GRIN2D: variants seen among roughly 807,000 people sequenced by gnomAD.
The protein encoded by GRIN2D is glutamate receptor ionotropic, NMDA 2D.
A neutral mutation model predicts 103.2 loss-of-function variants in GRIN2D; 37 were observed. The observed-to-expected ratio is 0.36, with a 90% confidence interval of 0.28 to 0.47. The LOEUF (loss-of-function observed/expected upper bound fraction) is 0.47. Ranked by LOEUF, GRIN2D falls within the 20% of genes least tolerant of loss-of-function variation. The pLI is 1.00. For synonymous variants in GRIN2D, 845 were observed against 885.6 expected (o/e 0.95, Z 0.81); for missense variants, 1,557 against 1,910.6 (o/e 0.81, Z 3.45).
Position 48,443,102 on chromosome 19 carries a change from C to T in GRIN2D, c.3176C>T (p.Ala1059Val). Residue 1059 changes from alanine to valine, a missense_variant, in exon 14 of 14, where the codon GCG becomes GTG. Physicochemically the swap from Ala to Val is moderately conservative, Grantham distance 64. Transcript: ENST00000263269. The surrounding 1 kb of genome is among the most constrained non-coding windows in gnomAD (Gnocchi z 8.9). Reference sequence around the variant, plus strand: ...GAGGACGAGAGCCCGCCGGCGCCCGCGCGGTGGCCGCGCTCGGACCCCGAG... The same window carrying T: ...GAGGACGAGAGCCCGCCGGCGCCCGTGCGGTGGCCGCGCTCGGACCCCGAG... Reference protein sequence around the residue: ...AFEDESPPAPARWPRSDPESQ... With the variant: ...AFEDESPPAPVRWPRSDPESQ... The T allele has an allele frequency of 2.0e-6, 2 of 1,021,138 alleles. No individual in the cohort carries two copies. The highest frequency in any genetic ancestry group is 2.3e-6 in the Non-Finnish European group (2 of 851,110). The allele number at this position is 1,021,138 out of a possible 1,614,324, so 63.3% of individuals were successfully genotyped here. A position where few individuals can be genotyped will look rare whatever the true frequency, so the allele number is the denominator to read the frequency against.
chr19:48,436,118 A>G (rs1326316410), intron 11 of GRIN2D, among the ~76,000 whole-genome samples: 2 of 152,174 alleles, frequency 1.3e-5, no homozygotes, highest in African/African-American at 2.4e-5. Flanking sequence ...GGGGTCTGCA[A>G]TGGAAAAAGA....
intron 11 of GRIN2D, among the ~76,000 whole-genome samples, chr19:48,426,224 C>CTTTCTTTCTTTTTTTTTTTTT (rs1555893889): frequency 1.5e-4 from 18 of 120,088 alleles, no homozygotes; most frequent in African/African-American, 6.4e-4. Context: ...TTCTTTCTTT[C>CTTTCTTTCTTTTTTTTTTTTT]TTTTTTTTTT....
rs913187846 is a variant in GRIN2D at position 48,414,254 on chromosome 19, C to T, written c.1201-119C>T. 1.2e-5 allele frequency: 12 copies of T among 962,354 alleles called. No individual in the cohort carries two copies. The highest frequency in any genetic ancestry group is 1.9e-5 in the Non-Finnish European group (12 of 629,480). 59.6% of individuals were successfully genotyped at this position (962,354 alleles called of 1,614,324 possible). A position where few individuals can be genotyped will look rare whatever the true frequency, so the allele number is the denominator to read the frequency against. On this transcript the variant is annotated intron_variant, in intron 5 of 13. Transcript: ENST00000263269. This position sits in a 1 kb window ranked among gnomAD's most constrained non-coding sequence, Gnocchi z 4.6. ...CTGGGATCTGAAGGTGGGAGGGGCT[C>T]CTGGGTCTTGGAAGAAGCTGCTGCC... is the stretch of plus-strand genomic sequence containing the variant.
rs1970594083 is a variant in GRIN2D at position 48,393,805 on chromosome 19, G to A, written c.-369G>A. On this transcript the variant is annotated 5_prime_UTR_variant, in exon 1 of 14. Coordinates refer to ENST00000263269, the MANE Select transcript of GRIN2D (RefSeq NM_000836.4). The surrounding 1 kb of genome is among the most constrained non-coding windows in gnomAD (Gnocchi z 5.6). ...CTCCCTCGGCCACCGGTGCCTGCTG[G>A]GGGTGTTGCCTGGGTAGGTCGGCCC... is the stretch of plus-strand genomic sequence containing the variant. Among the ~76,000 whole-genome samples the A allele has an allele frequency of 6.6e-6, 1 of 152,122 alleles. No individual in the cohort carries two copies. Among genetic ancestry groups the A allele is most frequent in the Non-Finnish European group, 1.5e-5 (1 of 68,020 alleles).
At position 48,444,229 on chromosome 19, in the gene GRIN2D, T is replaced by TGG. The variant is rs528031307; in HGVS notation, c.*297_*298dup. ...TAACGTCACCAGATGGGGCGGGAGG[T>TGG]GGGGGGTTCACGCCACTCCCGCGTC... On this transcript the variant is annotated 3_prime_UTR_variant, in exon 14 of 14. Transcript: ENST00000263269. This position sits in a 1 kb window ranked among gnomAD's most constrained non-coding sequence, Gnocchi z 5.5. 1 of 259,572 alleles carries TGG rather than the reference T, an allele frequency of 3.9e-6. No homozygotes were observed. Among genetic ancestry groups the TGG allele is most frequent in the African/African-American group, 2.2e-5 (1 of 44,658 alleles). The allele number at this position is 259,572 out of a possible 1,614,324, so 16.1% of individuals were successfully genotyped here.
chr19:48,419,227 T>C lies in GRIN2D; in HGVS notation c.1736-7T>C, dbSNP rs1410986124. The stretch of plus-strand genomic sequence containing the variant: ...TGAGCCATAACCACGCACTCCCTTG[T>C]CCCCAGAGCCCTACAGCCCCGCCGT... On this transcript the variant is annotated splice_polypyrimidine_tract_variant and splice_region_variant and intron_variant, in intron 8 of 13. Coordinates refer to ENST00000263269, the MANE Select transcript of GRIN2D (RefSeq NM_000836.4). 2 of 1,601,580 alleles carry C rather than the reference T, an allele frequency of 1.2e-6. No individual in the cohort carries two copies. Among genetic ancestry groups the C allele is most frequent in the Non-Finnish European group, 1.7e-6 (2 of 1,177,128 alleles).
intron 8 of GRIN2D, among the ~76,000 whole-genome samples, chr19:48,418,028 G>A (rs1171942934): frequency 6.7e-6 from 1 of 149,672 alleles, no homozygotes; most frequent in Non-Finnish European, 1.5e-5. Flanking sequence ...AGGCACCTGC[G>A]AGTTCTTTTT....
intron 4 of GRIN2D, among the ~76,000 whole-genome samples, chr19:48,412,966 T>A (rs1970894247): frequency 1.4e-5 from 2 of 138,290 alleles, no homozygotes; most frequent in Admixed American, 1.5e-4. Flanking sequence ...TGAAACCCCA[T>A]CTCTACTAAA....
At chr19:48,415,694 G>A (rs920552919) in intron 7 of GRIN2D, among the ~76,000 whole-genome samples, 3 of 150,984 alleles carry the variant, frequency 2.0e-5, no homozygotes, top group African/African-American at 7.3e-5. Flanking sequence ...AGGAGGAGGG[G>A]CCAGGAGGGT....
chr19:48,415,091 C>A, intron 7 of GRIN2D, 59 bp downstream of exon 7: 1 of 1,463,256 alleles, frequency 6.8e-7, no homozygotes, highest in Non-Finnish European at 9.3e-7. Flanking sequence ...GCGGGCACAG[C>A]CGGGCGTGGT....
chr19:48,410,737 T>TGGAGGCCAGGCA lies in GRIN2D; in HGVS notation c.1086-3247_1086-3236dup, dbSNP rs1396193101. On this transcript the variant is annotated intron_variant, in intron 4 of 13. Transcript: ENST00000263269. ...AGACTGGAGTAGAGAGATTGGAGGCTGGAGGCCAGGCAGGAGGCTGGGATG... is the reference window on the plus strand; with the variant it reads ...AGACTGGAGTAGAGAGATTGGAGGCTGGAGGCCAGGCAGGAGGCCAGGCAGGAGGCTGGGATG... 3.3e-5 allele frequency among the ~76,000 whole-genome samples: 5 copies of TGGAGGCCAGGCA among 151,680 alleles called. No individual in the cohort carries two copies. In the East Asian group the frequency reaches 7.8e-4, roughly 24 times the overall value.
chr19:48,438,524 T>G (rs1422980977), intron 11 of GRIN2D, among the ~76,000 whole-genome samples: 1 of 151,986 alleles, frequency 6.6e-6, no homozygotes, highest in Non-Finnish European at 1.5e-5. Flanking sequence ...GGTCTCGATC[T>G]CCTGACCTCG....
chr19:48,400,756 C>A (rs546393334), intron 3 of GRIN2D, among the ~76,000 whole-genome samples: 20 of 152,294 alleles, frequency 1.3e-4, no homozygotes, highest in African/African-American at 4.6e-4. Context: ...AAGAGGTTCT[C>A]CTTGCATTAC....
In GRIN2D at chr19:48,394,529, G is replaced by T. The variant is rs367733669; in HGVS notation, c.-305-129G>T. Among the ~76,000 whole-genome samples the T allele has an allele frequency of 1.3e-5, 2 of 149,958 alleles. No individual in the cohort carries two copies. The highest frequency in any genetic ancestry group is 3.0e-5 in the Non-Finnish European group (2 of 67,214). ...AGAGGCGGGACTGGACACATGGAAA[G>T]GGGGGAGGAGCCGGGGCTGAAGCGG... On this transcript the variant is annotated intron_variant, in intron 1 of 13. Coordinates refer to ENST00000263269, the MANE Select transcript of GRIN2D (RefSeq NM_000836.4). The surrounding 1 kb of genome is among the most constrained non-coding windows in gnomAD (Gnocchi z 5.1).
At chr19:48,404,564 G>A (rs62132016) in intron 3 of GRIN2D, among the ~76,000 whole-genome samples, 170 bp from the exon 4 acceptor site, 1 of 152,018 alleles carries the variant, frequency 6.6e-6, no homozygotes, top group Non-Finnish European at 1.5e-5. Context: ...AACTCATCAC[G>A]TGGCTAAACC....
At chr19:48,399,631 C>G (rs1049912618) in intron 3 of GRIN2D, among the ~76,000 whole-genome samples, 1 of 152,056 alleles carries the variant, frequency 6.6e-6, no homozygotes, top group Non-Finnish European at 1.5e-5. Flanking sequence ...GAGGTGGCAG[C>G]TAGGAAGTAT....
intron 8 of GRIN2D, among the ~76,000 whole-genome samples, chr19:48,418,623 C>T (rs989577582): frequency 6.6e-6 from 1 of 151,848 alleles, no homozygotes; most frequent in African/African-American, 2.4e-5. Flanking sequence ...GGGGCAGGAG[C>T]GTGGGGCTGG....
At chr19:48,398,320 G>A (rs1456520015) in intron 2 of GRIN2D, 47 bp from the exon 3 acceptor site, 2 of 776,374 alleles carry the variant, frequency 2.6e-6, no homozygotes, top group East Asian at 7.3e-5. Context: ...TGCGTCTCCC[G>A]TCTGTGCCTC....
chr19:48,424,199 T>G, intron 11 of GRIN2D, among the ~76,000 whole-genome samples: 1 of 149,566 alleles, frequency 6.7e-6, no homozygotes, highest in Non-Finnish European at 1.5e-5. Context: ...GAGGATCACT[T>G]AAGACCAGGA....
Sources: allele counts gnomAD v4.1 joint callset (sites outside exome capture counted in the v4.1 genomes callset), GRCh38; gene constraint gnomAD v4.1.1; non-coding constraint Gnocchi (gnomAD v3.1); transcripts MANE v1.5; gene names NCBI Gene and HGNC (gene_info 2026-07-23, HGNC 2026-07-21).